ZNF469: variants seen among roughly 807,000 people sequenced by gnomAD.
ZNF469 encodes the protein zinc finger protein 469.
ZNF469 carries 1 observed loss-of-function variant against 1.0 expected under a neutral mutation model. The observed-to-expected ratio is 1.00, with a 90% CI of 0.35 to 4.73. The LOEUF (loss-of-function observed/expected upper bound fraction) is 4.73, where lower values mean the gene tolerates loss of function less well. Among genes scored for constraint, ZNF469 ranks in the 30% most tolerant of loss-of-function variants. ZNF469 has a pLI of 0.16. For missense variants in ZNF469, 6,100 were observed against 5,356.3 expected (o/e 1.14, Z -4.33); for synonymous variants, 2,703 against 2,363.4 (o/e 1.14, Z -4.17).
At chr16:88,160,576 G>C in the ZNF469 span, among the ~76,000 whole-genome samples, 1 of 152,160 alleles carries the variant, frequency 6.6e-6, no homozygotes, top group Admixed American at 6.5e-5. Flanking sequence ...GGAGCCACCA[G>C]CCCTTTCGCT....
At chr16:88,306,786 C>T in the ZNF469 span, among the ~76,000 whole-genome samples, 186 of 152,308 alleles carry the variant, frequency 1.2e-3, no homozygotes, top group African/African-American at 3.8e-3. Context: ...TCCCTGTCCC[C>T]GCTTCTACCA....
At chr16:88,117,530 G>C in the ZNF469 span, among the ~76,000 whole-genome samples, 8 of 113,448 alleles carry the variant, frequency 7.1e-5, no homozygotes, top group South Asian at 5.7e-4. Context: ...GGGCCTCTGA[G>C]ACTCAGGCCA....
chr16:88,177,145 G>T, the ZNF469 span: 3 of 152,180 alleles, frequency 2.0e-5, no homozygotes, highest in Admixed American at 2.0e-4. The surrounding 1 kb of genome is among the most constrained non-coding windows in gnomAD (Gnocchi z 4.8). Context: ...TCACCCCTTC[G>T]CTCATCTGGA....
At chr16:88,360,842 C>T in the ZNF469 span, among the ~76,000 whole-genome samples, 2 of 152,266 alleles carry the variant, frequency 1.3e-5, no homozygotes, top group East Asian at 3.9e-4. Context: ...TGCCCGACAC[C>T]CCCTGTTACA....
chr16:88,386,377 C>A (rs747516079), intron 1 of ZNF469, among the ~76,000 whole-genome samples: 1 of 152,116 alleles, frequency 6.6e-6, no homozygotes, highest in Non-Finnish European at 1.5e-5. Flanking sequence ...CGGGACCCCA[C>A]CGTCCCGCCC....
the ZNF469 span, among the ~76,000 whole-genome samples, chr16:88,263,219 C>T: frequency 0.093 from 14,185 of 152,228 alleles, 881 homozygotes; most frequent in South Asian, 0.13. Context: ...CGGCGTCCAG[C>T]GAAATGCCTC....
chr16:88,156,831 C>T, the ZNF469 span, among the ~76,000 whole-genome samples: 1 of 151,968 alleles, frequency 6.6e-6, no homozygotes, highest in Admixed American at 6.6e-5. Flanking sequence ...ACTCCCAGCC[C>T]TGTCTTGTTG....
chr16:88,164,661 A>G, the ZNF469 span, among the ~76,000 whole-genome samples: 1 of 152,080 alleles, frequency 6.6e-6, no homozygotes, highest in African/African-American at 2.4e-5. Flanking sequence ...CCCTGGCCAG[A>G]TGATTTCACT....
chr16:88,242,472 C>T, the ZNF469 span, among the ~76,000 whole-genome samples: 1 of 152,170 alleles, frequency 6.6e-6, no homozygotes, highest in East Asian at 1.9e-4. Context: ...CTAATCTTCT[C>T]CTAGAAGGAC....
chr16:88,303,222 C>T, the ZNF469 span, among the ~76,000 whole-genome samples: 5 of 152,242 alleles, frequency 3.3e-5, no homozygotes, highest in East Asian at 7.7e-4. Context: ...TACCCTCCAG[C>T]ATGCAGCCGC....
At chr16:88,397,267 C>G (rs1904712964) in intron 1 of ZNF469, among the ~76,000 whole-genome samples, 1 of 152,226 alleles carries the variant, frequency 6.6e-6, no homozygotes, top group African/African-American at 2.4e-5. Flanking sequence ...TCACCATGGC[C>G]CTGGGATGGA....
chr16:88,201,656 C>T, the ZNF469 span, among the ~76,000 whole-genome samples: 13 of 152,298 alleles, frequency 8.5e-5, no homozygotes, highest in Admixed American at 4.6e-4. This position sits in a 1 kb window ranked among gnomAD's most constrained non-coding sequence, Gnocchi z 5.0. Context: ...GTCCTGCAGC[C>T]CTGGAGTGGA....
chr16:88,169,844 C>T, the ZNF469 span, among the ~76,000 whole-genome samples: 11 of 152,210 alleles, frequency 7.2e-5, no homozygotes, highest in Admixed American at 2.0e-4. This position sits in a 1 kb window ranked among gnomAD's most constrained non-coding sequence, Gnocchi z 6.1. Flanking sequence ...GTGGCCCCTC[C>T]GCCTCTGGCA....
the ZNF469 span, among the ~76,000 whole-genome samples, chr16:88,369,075 T>C: frequency 0.011 from 1,561 of 144,252 alleles, 32 homozygotes; most frequent in African/African-American, 0.04. Flanking sequence ...TGAGATTCTG[T>C]CTCAAAAAAA....
the ZNF469 span, among the ~76,000 whole-genome samples, chr16:88,140,473 A>AGCCATGTAGAAATCGGAGGGTAGCCCGG: frequency 6.6e-6 from 1 of 151,240 alleles, no homozygotes; most frequent in African/African-American, 2.5e-5. Context: ...GGTAGCACGG[A>AGCCATGTAGAAATCGGAGGGTAGCCCGG]AAGTCAGTGA....
At chr16:88,272,472 G>C in the ZNF469 span, among the ~76,000 whole-genome samples, 1 of 132,662 alleles carries the variant, frequency 7.5e-6, no homozygotes, top group East Asian at 2.3e-4. Context: ...ATGAACAGGG[G>C]GGTGTATGGA....
chr16:88,112,240 A>C, the ZNF469 span, among the ~76,000 whole-genome samples: 6 of 152,142 alleles, frequency 3.9e-5, no homozygotes, highest in Admixed American at 2.0e-4. Flanking sequence ...GAGTTCCAGT[A>C]AACACAGGAC....
chr16:88,303,474 A>G, the ZNF469 span, among the ~76,000 whole-genome samples: 2,966 of 152,194 alleles, frequency 0.019, 37 homozygotes, highest in South Asian at 0.03. Flanking sequence ...GGCCCACCAC[A>G]GCCTGCAGCA....
chr16:88,140,825 T>G, the ZNF469 span, among the ~76,000 whole-genome samples: 3 of 152,078 alleles, frequency 2.0e-5, no homozygotes, highest in African/African-American at 7.2e-5. Context: ...CCCTGCTACC[T>G]GGGAGGCTGA....
Sources: gnomAD v4.1 joint callset for allele counts (sites outside exome capture counted in the v4.1 genomes callset) on GRCh38, gnomAD v4.1.1 for gene constraint, Gnocchi (gnomAD v3.1) non-coding constraint, MANE v1.5 for transcripts, NCBI Gene and HGNC (gene_info 2026-07-23, HGNC 2026-07-21) for gene names.